The following NTM variants were observed in gnomAD, a reference collection of about 807,000 sequenced individuals.
NTM encodes neurotrimin.
Under a neutral mutation model 42.1 loss-of-function variants are expected in NTM, and 13 were observed. The ratio of observed to expected loss-of-function variants is 0.31; its 90% CI spans 0.20 to 0.49. The LOEUF is 0.49. NTM is among the 20% of genes least tolerant of loss of function. NTM has a pLI of 0.99. For synonymous variants in NTM, 187 were observed against 179.2 expected (o/e 1.04, Z -0.35); for missense variants, 373 against 452.8 (o/e 0.82, Z 1.60).
At chr11:131,654,987 C>T (rs2066990476) in intron 1 of NTM, among the ~76,000 whole-genome samples, 1 of 152,202 alleles carries the variant, frequency 6.6e-6, no homozygotes, top group Non-Finnish European at 1.5e-5. Flanking sequence ...CACATGTACT[C>T]AATCGGAAAT....
intron 1 of NTM, among the ~76,000 whole-genome samples, chr11:131,394,715 C>T (rs918256770): frequency 4.6e-5 from 7 of 152,138 alleles, no homozygotes; most frequent in South Asian, 2.1e-4. Flanking sequence ...ATTATCTGAA[C>T]ATCCATCTAC....
intron 2 of NTM, among the ~76,000 whole-genome samples, chr11:132,039,077 T>C (rs935408688): frequency 6.6e-6 from 1 of 152,160 alleles, no homozygotes; most frequent in African/African-American, 2.4e-5. Flanking sequence ...TGCCAGGTAA[T>C]CCCTCTGTCC....
chr11:131,631,815 T>A (rs1442276890), intron 1 of NTM, among the ~76,000 whole-genome samples: 1 of 152,230 alleles, frequency 6.6e-6, no homozygotes, highest in African/African-American at 2.4e-5. Flanking sequence ...TGCCGTAATG[T>A]TTTGGGATGA....
rs575200291 is a variant in NTM, at chr11:132,247,198, G to A, written c.526+35051G>A. Among the ~76,000 whole-genome samples, 508 of 152,306 alleles carry A rather than the reference G, an allele frequency of 3.3e-3. 4 individuals are homozygous for A. The highest frequency in any genetic ancestry group is 0.012 in the African/African-American group (489 of 41,568). ...TCGCCCTGTGGTTTGCCATCTGCGTGTATGTCCAGCTCACAGAAGAGACAG... is the reference window on the plus strand; with the variant it reads ...TCGCCCTGTGGTTTGCCATCTGCGTATATGTCCAGCTCACAGAAGAGACAG... On this transcript the variant is annotated intron_variant, in intron 4 of 8. Transcript: ENST00000683400.
At chr11:132,134,930 T>C (rs913843262) in intron 2 of NTM, among the ~76,000 whole-genome samples, 2 of 151,718 alleles carry the variant, frequency 1.3e-5, no homozygotes, top group African/African-American at 2.4e-5. Flanking sequence ...GATCTACTTT[T>C]AGTTCTTTAA....
chr11:131,747,044 A>G (rs1421950555), intron 1 of NTM, among the ~76,000 whole-genome samples: 3 of 152,236 alleles, frequency 2.0e-5, no homozygotes, highest in African/African-American at 4.8e-5. Flanking sequence ...TTAATAAAGC[A>G]TTCTGTTATA....
At position 131,482,624 on chromosome 11, in the gene NTM, A is replaced by G. The variant is rs190769442; in HGVS notation, c.82+111736A>G. Among the ~76,000 whole-genome samples, 454 of 152,330 alleles carry G rather than the reference A, an allele frequency of 3.0e-3. 3 individuals are homozygous for G. The highest frequency in any genetic ancestry group is 8.1e-3 in the African/African-American group (337 of 41,574). On this transcript the variant is annotated intron_variant, in intron 1 of 8. Coordinates refer to ENST00000683400, the MANE Select transcript of NTM (RefSeq NM_001352005.2). ...GCTTGCACGCTGCCTTGATTGACAA[A>G]GAAACTGCTATTTTTGTCCACTCTG...
At chr11:131,668,977 G>GT (rs1455784841) in intron 1 of NTM, among the ~76,000 whole-genome samples, 5 of 152,200 alleles carry the variant, frequency 3.3e-5, no homozygotes, top group African/African-American at 1.2e-4. Flanking sequence ...GTGGTGGCCG[G>GT]TAGGGGGAGC....
At chr11:131,933,159 G>T (rs2058821823) in intron 2 of NTM, among the ~76,000 whole-genome samples, 1 of 152,206 alleles carries the variant, frequency 6.6e-6, no homozygotes, top group African/African-American at 2.4e-5. Flanking sequence ...CTAAAAGCTG[G>T]CAGTGACGCT....
intron 1 of NTM, among the ~76,000 whole-genome samples, chr11:131,435,754 T>G (rs1333223348): frequency 6.6e-6 from 1 of 152,258 alleles, no homozygotes; most frequent in Non-Finnish European, 1.5e-5. Flanking sequence ...TGACTTCTTC[T>G]TTTCCTAATT....
intron 1 of NTM, among the ~76,000 whole-genome samples, chr11:131,468,533 T>C (rs1054644585): frequency 3.9e-5 from 6 of 152,226 alleles, no homozygotes; most frequent in African/African-American, 1.4e-4. Flanking sequence ...GTAATTGCTT[T>C]GGTTTTTTTG....
At chr11:131,714,335 T>G (rs1354906486) in intron 1 of NTM, among the ~76,000 whole-genome samples, 2 of 152,096 alleles carry the variant, frequency 1.3e-5, no homozygotes, top group Admixed American at 6.5e-5. Context: ...ACTTCAGGCA[T>G]GCACTACCAT....
At chr11:131,464,296 G>A (rs1951681507) in intron 1 of NTM, among the ~76,000 whole-genome samples, 1 of 152,024 alleles carries the variant, frequency 6.6e-6, no homozygotes, top group Non-Finnish European at 1.5e-5. Flanking sequence ...TAGAAGACCG[G>A]AGAATGATCT....
intron 4 of NTM, among the ~76,000 whole-genome samples, chr11:132,214,462 T>C (rs1274411512): frequency 6.6e-6 from 1 of 152,172 alleles, no homozygotes; most frequent in African/African-American, 2.4e-5. Flanking sequence ...TTCTCCTGCA[T>C]GCGTCTCCTT....
At chr11:131,438,085 T>C (rs1199219763) in intron 1 of NTM, among the ~76,000 whole-genome samples, 1 of 152,226 alleles carries the variant, frequency 6.6e-6, no homozygotes, top group Non-Finnish European at 1.5e-5. Flanking sequence ...AAAATTCTTT[T>C]CTTTAAGAAT....
intron 2 of NTM, among the ~76,000 whole-genome samples, chr11:132,013,097 C>A (rs1475429761): frequency 6.6e-6 from 1 of 151,728 alleles, no homozygotes; most frequent in Non-Finnish European, 1.5e-5. Context: ...TTTCGAATCA[C>A]TGACATGTAG....
intron 2 of NTM, among the ~76,000 whole-genome samples, chr11:132,097,088 G>C (rs1240994630): frequency 2.0e-5 from 3 of 152,182 alleles, no homozygotes; most frequent in East Asian, 1.9e-4. Context: ...TTAATCTCTA[G>C]GTAGATCTGT....
In NTM at chr11:132,335,951, C is replaced by CCACA. The variant is rs1234023787; in HGVS notation, c.*809_*812dup. 6.6e-6 allele frequency: 1 copy of CCACA among 152,472 alleles called. No individual in the cohort carries two copies. The highest frequency in any genetic ancestry group is 1.9e-4 in the East Asian group (1 of 5,178). The allele number at this position is 152,472 out of a possible 1,614,324, so 9.4% of individuals were successfully genotyped here. ...CTTAACTAGGTTTACAACTGGTGGA[C>CCACA]CACACACCAGGCACTAATCACCTGG... is the stretch of plus-strand genomic sequence containing the variant. On this transcript the variant is annotated 3_prime_UTR_variant, in exon 9 of 9. Transcript: ENST00000683400.
intron 1 of NTM, chr11:131,534,588 C>T (rs149374019): frequency 8.1e-4 from 124 of 152,324 alleles, no homozygotes; most frequent in African/African-American, 3.0e-3. Context: ...TAGCTCCTCA[C>T]CCAACATAAA....
Sources: gnomAD v4.1 joint callset for allele counts (sites outside exome capture counted in the v4.1 genomes callset) on GRCh38, gnomAD v4.1.1 for gene constraint, MANE v1.5 for transcripts, NCBI Gene and HGNC (gene_info 2026-07-23, HGNC 2026-07-21) for gene names.